Variants in MROH2A observed in about 807,000 individuals in gnomAD.
The protein encoded by MROH2A is maestro heat like repeat family member 2A.
Under a neutral mutation model 200.4 loss-of-function variants are expected in MROH2A, and 174 were observed. The observed-to-expected ratio is 0.87, with a 90% CI of 0.77 to 0.98. MROH2A has a LOEUF of 0.98. MROH2A is among the 50% of genes least tolerant of loss of function. MROH2A has a pLI of 0.00. For synonymous variants in MROH2A, 829 were observed against 840.4 expected (o/e 0.99, Z 0.23); for missense variants, 2,045 against 2,139.6 (o/e 0.96, Z 0.87).
chr2:233,823,066 T>C, intron 34 of MROH2A, 48 bp downstream of exon 34: 1 of 1,542,956 alleles, frequency 6.5e-7, no homozygotes, highest in Non-Finnish European at 8.8e-7. Context: ...CAGAGGCACC[T>C]CCTTGCTGGA....
intron 21 of MROH2A, among the ~76,000 whole-genome samples, chr2:233,808,320 T>C (rs1702935641): frequency 6.6e-6 from 1 of 152,196 alleles, no homozygotes; most frequent in African/African-American, 2.4e-5. Flanking sequence ...CTGAAGCTTG[T>C]CCATTGGCGT....
At position 233,820,737 on chromosome 2, in the gene MROH2A, G is replaced by A. The variant is rs890562032; in HGVS notation, c.3512+681G>A. Among the ~76,000 whole-genome samples the A allele has an allele frequency of 1.3e-5, 2 of 152,160 alleles. No individual in the cohort carries two copies. The highest frequency in any genetic ancestry group is 2.9e-5 in the Non-Finnish European group (2 of 68,024). ...AGCAGTGGAGCCTGTGCTGGTGCAG[G>A]GACGTGAGGAGATGTCAGGCTAAGT... On this transcript the variant is annotated intron_variant, in intron 31 of 41. Transcript: ENST00000389758. This position sits in a 1 kb window ranked among gnomAD's most constrained non-coding sequence, Gnocchi z 4.1.
At chr2:233,777,685 G>A (rs1225516190), upstream of MROH2A, among the ~76,000 whole-genome samples, 4 of 152,238 alleles carry the variant, frequency 2.6e-5, no homozygotes, top group East Asian at 3.8e-4. Context: ...CAAACTTGGA[G>A]TGGAAATTCC....
intron 3 of MROH2A, among the ~76,000 whole-genome samples, chr2:233,787,623 T>C (rs1575903170): frequency 1.9e-5 from 1 of 53,286 alleles, no homozygotes; most frequent in African/African-American, 1.0e-4. Flanking sequence ...CATATATACA[T>C]ATATATTATA....
chr2:233,796,114 C>T (rs1035680386), intron 10 of MROH2A, 69 bp downstream of exon 10: 12 of 1,516,520 alleles, frequency 7.9e-6, no homozygotes, highest in Non-Finnish European at 1.1e-5. Context: ...GAGTCCCGGC[C>T]CCTCTGAGCG....
intron 11 of MROH2A, among the ~76,000 whole-genome samples, chr2:233,797,983 A>G (rs1702223212): frequency 6.6e-6 from 1 of 152,182 alleles, no homozygotes; most frequent in Non-Finnish European, 1.5e-5. Flanking sequence ...TTCAAGATGA[A>G]AACTCTCAAT....
In MROH2A at chr2:233,799,885, T is replaced by C. The variant is rs1261379571; in HGVS notation, c.1435T>C (p.Ser479Pro). ...GTACCTGTCTGTGCAGCTGACCTTATCCACCTACAAACTGGTGAGTGGCCC... is the reference window on the plus strand; with the variant it reads ...GTACCTGTCTGTGCAGCTGACCTTACCCACCTACAAACTGGTGAGTGGCCC... ...LKYLSVQLTL[S>P]TYKLTNRREK... Residue 479 changes from serine (S) to proline (P), a missense_variant, in exon 13 of 42, where the codon TCC becomes CCC. This residue lies in a region of MROH2A where 831 missense variants were observed against 800.0 expected (regional missense o/e 1.04). Coordinates refer to ENST00000389758, the MANE Select transcript of MROH2A (RefSeq NM_001394639.1). 1 of 1,550,402 alleles carries C rather than the reference T, an allele frequency of 6.4e-7. No homozygotes were observed. The highest frequency in any genetic ancestry group is 8.7e-7 in the Non-Finnish European group (1 of 1,146,996).
At position 233,809,291 on chromosome 2, in the gene MROH2A, G is replaced by T. The variant is rs1428853666; in HGVS notation, c.2448+13G>T. ...CAGCAGCTGCCAGGTAGCCCCATCT[G>T]CTGCCTGGGGGGATGTCTTCTGGAC... On this transcript the variant is annotated intron_variant, in intron 22 of 41. Transcript: ENST00000389758. 1 of 1,547,758 alleles carries T rather than the reference G, an allele frequency of 6.5e-7. No homozygotes were observed. Among genetic ancestry groups the T allele is most frequent in the South Asian group, 1.2e-5 (1 of 84,008 alleles).
intron 25 of MROH2A, among the ~76,000 whole-genome samples, chr2:233,814,313 G>T (rs1205948510): frequency 6.6e-6 from 1 of 152,224 alleles, no homozygotes; most frequent in Non-Finnish European, 1.5e-5. Flanking sequence ...GGAATCTTTT[G>T]TGGACAGGTA....
chr2:233,821,341 T>C (rs1302604767), intron 31 of MROH2A, among the ~76,000 whole-genome samples: 1 of 151,944 alleles, frequency 6.6e-6, no homozygotes, highest in Non-Finnish European at 1.5e-5. Flanking sequence ...TTACAGAGGG[T>C]GCTGATGAGT....
rs1702840222 is a variant in MROH2A, at chr2:233,807,044, T to C, written c.2053-379T>C. Among the ~76,000 whole-genome samples the C allele has an allele frequency of 6.6e-6, 1 of 152,130 alleles. No individual in the cohort carries two copies. Among genetic ancestry groups the C allele is most frequent in the East Asian group, 1.9e-4 (1 of 5,196 alleles). ...ACTTATGAGTGAGAACATACGACGT[T>C]TGGTTTTCCATTCCTAAGTTACTTA... is the stretch of plus-strand genomic sequence containing the variant. On this transcript the variant is annotated intron_variant, in intron 19 of 41. Transcript: ENST00000389758. The surrounding 1 kb of genome is among the most constrained non-coding windows in gnomAD (Gnocchi z 4.3).
intron 19 of MROH2A, among the ~76,000 whole-genome samples, chr2:233,806,357 C>T (rs1043176820): frequency 6.6e-6 from 1 of 152,056 alleles, no homozygotes; most frequent in Non-Finnish European, 1.5e-5. Context: ...TTTCTCATCT[C>T]CAAAAACAAT....
intron 19 of MROH2A, among the ~76,000 whole-genome samples, chr2:233,805,722 A>T (rs149563315): frequency 1.3e-5 from 2 of 152,224 alleles, no homozygotes; most frequent in Non-Finnish European, 2.9e-5. Flanking sequence ...TGGCATAAGG[A>T]TAGATTGATA....
intron 8 of MROH2A, among the ~76,000 whole-genome samples, chr2:233,795,415 CAG>C (rs1466607380): frequency 3.3e-5 from 5 of 152,306 alleles, no homozygotes; most frequent in Non-Finnish European, 7.4e-5. Context: ...ATGCCACACT[CAG>C]GGGCCTAGCG....
At chr2:233,814,299 A>G (rs937345084) in intron 25 of MROH2A, among the ~76,000 whole-genome samples, 16 of 152,140 alleles carry the variant, frequency 1.1e-4, no homozygotes, top group African/African-American at 2.4e-5. Flanking sequence ...GTGGAAGAGG[A>G]GAAGGAATCT....
In MROH2A at chr2:233,789,840, T is replaced by G; in HGVS notation, c.409-12T>G. The G allele has an allele frequency of 6.5e-7, 1 of 1,546,384 alleles. No individual in the cohort carries two copies. Among genetic ancestry groups the G allele is most frequent in the Non-Finnish European group, 8.7e-7 (1 of 1,144,614 alleles). On this transcript the variant is annotated splice_polypyrimidine_tract_variant and intron_variant, in intron 4 of 41. Transcript: ENST00000389758. The stretch of plus-strand genomic sequence containing the variant: ...GTGGTGGTGCCATATGTCCCTCTTC[T>G]GTCTCCTGCAGATGGAGGGCTATAT...
intron 26 of MROH2A, among the ~76,000 whole-genome samples, chr2:233,816,346 T>C (rs769650323): frequency 1.3e-5 from 2 of 152,246 alleles, no homozygotes; most frequent in Non-Finnish European, 2.9e-5. Context: ...TTTTGCTTCA[T>C]GTATTATTTA....
At chr2:233,829,455 C>T (rs925423505) in intron 37 of MROH2A, among the ~76,000 whole-genome samples, 165 bp from the exon 38 acceptor site, 1 of 152,148 alleles carries the variant, frequency 6.6e-6, no homozygotes, top group African/African-American at 2.4e-5. Context: ...AATGCCCAGC[C>T]CCTTGAGGGC....
At chr2:233,814,388 A>G (rs1183093857) in intron 25 of MROH2A, among the ~76,000 whole-genome samples, 194 bp from the exon 26 acceptor site, 1 of 152,224 alleles carries the variant, frequency 6.6e-6, no homozygotes, top group Non-Finnish European at 1.5e-5. Flanking sequence ...GGAGTTCAGT[A>G]TCCTGCTTTG....
Sources: allele counts gnomAD v4.1 joint callset (sites outside exome capture counted in the v4.1 genomes callset), GRCh38; gene constraint gnomAD v4.1.1; regional missense constraint gnomAD v4.1.1; non-coding constraint Gnocchi (gnomAD v3.1); transcripts MANE v1.5; gene names NCBI Gene and HGNC (gene_info 2026-07-23, HGNC 2026-07-21).